ZNF804B: variants seen among roughly 807,000 people sequenced by gnomAD.
The protein encoded by ZNF804B is zinc finger protein 804B.
In ZNF804B, 80 loss-of-function variants were observed where a neutral mutation model predicts 101.4. The ratio of observed to expected loss-of-function variants is 0.79; its 90% CI spans 0.66 to 0.95. The LOEUF (loss-of-function observed/expected upper bound fraction) is 0.95, where lower values mean the gene tolerates loss of function less well. Ranked by LOEUF, ZNF804B falls within the 40% of genes least tolerant of loss-of-function variation. The pLI is 0.00. For synonymous variants in ZNF804B, 622 were observed against 558.8 expected, an observed-to-expected ratio of 1.11 and a Z score of -1.59; for missense variants, 1,673 against 1,561.9, an observed-to-expected ratio of 1.07 and a Z score of -1.20.
At chr7:88,774,686 T>G (rs1790117620) in intron 1 of ZNF804B, among the ~76,000 whole-genome samples, 1 of 152,188 alleles carries the variant, frequency 6.6e-6, no homozygotes, top group African/African-American at 2.4e-5. Context: ...GTGTTGGATC[T>G]CTGAAAGAAA....
At chr7:88,805,376 A>C (rs1790668378) in intron 1 of ZNF804B, among the ~76,000 whole-genome samples, 1 of 152,216 alleles carries the variant, frequency 6.6e-6, no homozygotes, top group Non-Finnish European at 1.5e-5. Flanking sequence ...AAATATTTTT[A>C]AATATTAGCT....
Position 89,335,375 on chromosome 7 carries a change from A to G in ZNF804B, c.2393A>G (p.Lys798Arg). 1 of 1,613,744 alleles carries G rather than the reference A, an allele frequency of 6.2e-7. No individual in the cohort carries two copies. The highest frequency in any genetic ancestry group is 8.5e-7 in the Non-Finnish European group (1 of 1,179,926). The change falls in exon 4 of 4, where the codon AAA (lysine) becomes AGA (arginine). Residue 798 changes from lysine (K) to arginine (R), a missense_variant. Lys to Arg is a conservative substitution (Grantham distance 26, BLOSUM62 2). Transcript: ENST00000333190. ...TCATTTAAAAATGAAAAATACTCAAAACGTAGATATTGTCACTGCAGAGAA... is the reference window on the plus strand; with the variant it reads ...TCATTTAAAAATGAAAAATACTCAAGACGTAGATATTGTCACTGCAGAGAA... The part of the protein sequence containing the change: ...WESFKNEKYS[K>R]RRYCHCRERQ...
intron 1 of ZNF804B, among the ~76,000 whole-genome samples, chr7:89,112,589 G>A (rs1790235563): frequency 6.6e-6 from 1 of 151,976 alleles, no homozygotes; most frequent in African/African-American, 2.4e-5. Flanking sequence ...GTAATTTTGT[G>A]TTTGCTATTT....
At chr7:89,260,396 G>A (rs1214376081) in intron 2 of ZNF804B, among the ~76,000 whole-genome samples, 23 of 151,686 alleles carry the variant, frequency 1.5e-4, no homozygotes, top group Admixed American at 1.5e-3. Context: ...ACCTATTTAG[G>A]TAGATATACT....
intron 1 of ZNF804B, among the ~76,000 whole-genome samples, chr7:89,165,514 A>G (rs1791129048): frequency 6.6e-6 from 1 of 152,132 alleles, no homozygotes; most frequent in South Asian, 2.1e-4. Context: ...CAAAAAATGT[A>G]TATATGAATA....
chr7:89,120,845 T>C (rs940563912), intron 1 of ZNF804B, among the ~76,000 whole-genome samples: 3 of 152,138 alleles, frequency 2.0e-5, no homozygotes, highest in Non-Finnish European at 4.4e-5. Flanking sequence ...ATGATTATTA[T>C]GTAAAAGTGG....
At chr7:88,886,979 A>G (rs1281859927) in intron 1 of ZNF804B, among the ~76,000 whole-genome samples, 1 of 152,064 alleles carries the variant, frequency 6.6e-6, no homozygotes. Context: ...ATTATCTGAT[A>G]TGGTCCTCTT....
At chr7:88,975,970 G>A (rs1453921467) in intron 1 of ZNF804B, among the ~76,000 whole-genome samples, 1 of 151,222 alleles carries the variant, frequency 6.6e-6, no homozygotes, top group African/African-American at 2.4e-5. Context: ...AGAGATAGGG[G>A]TTCATTCTTC....
At chr7:89,195,634 G>T in intron 1 of ZNF804B, among the ~76,000 whole-genome samples, 1 of 151,608 alleles carries the variant, frequency 6.6e-6, no homozygotes, top group South Asian at 2.1e-4. Flanking sequence ...ACTTACAGGG[G>T]ATGTGAAGGA....
chr7:88,889,086 A>T (rs1792177673), intron 1 of ZNF804B, among the ~76,000 whole-genome samples: 1 of 152,180 alleles, frequency 6.6e-6, no homozygotes, highest in Non-Finnish European at 1.5e-5. Flanking sequence ...AATAGTCTCC[A>T]GTTGAATCCA....
chr7:89,120,515 G>T (rs1189817174), intron 1 of ZNF804B, among the ~76,000 whole-genome samples: 1 of 151,524 alleles, frequency 6.6e-6, no homozygotes, highest in Non-Finnish European at 1.5e-5. Flanking sequence ...AAAATTAGCC[G>T]GGCGTGGTGG....
intron 1 of ZNF804B, among the ~76,000 whole-genome samples, chr7:89,027,135 G>C (rs182626014): frequency 9.9e-5 from 15 of 152,098 alleles, no homozygotes; most frequent in African/African-American, 3.6e-4. Context: ...ATCAAAGAAA[G>C]TAAAACACTG....
At chr7:89,248,510 C>T (rs1211502133) in intron 2 of ZNF804B, among the ~76,000 whole-genome samples, 1 of 149,400 alleles carries the variant, frequency 6.7e-6, no homozygotes, top group African/African-American at 2.5e-5. Flanking sequence ...AATGAAATTC[C>T]AGCCAAGAAT....
At chr7:89,156,136 G>A (rs1004204210) in intron 1 of ZNF804B, among the ~76,000 whole-genome samples, 16 of 140,318 alleles carry the variant, frequency 1.1e-4, no homozygotes, top group Middle Eastern at 3.9e-3. Context: ...CTTCTTTCAT[G>A]GAGTTTCACT....
intron 1 of ZNF804B, among the ~76,000 whole-genome samples, chr7:88,797,875 A>G (rs1183724826): frequency 6.6e-6 from 1 of 152,120 alleles, no homozygotes; most frequent in Non-Finnish European, 1.5e-5. Context: ...AGCAAATGAG[A>G]GTGATGTACT....
chr7:88,947,267 A>T (rs897504232), intron 1 of ZNF804B, among the ~76,000 whole-genome samples: 1 of 152,050 alleles, frequency 6.6e-6, no homozygotes, highest in Admixed American at 6.6e-5. Flanking sequence ...AACCAACCCA[A>T]ATGCTCATCA....
chr7:88,799,140 T>C (rs1790538556), intron 1 of ZNF804B, among the ~76,000 whole-genome samples: 1 of 152,110 alleles, frequency 6.6e-6, no homozygotes, highest in African/African-American at 2.4e-5. Flanking sequence ...GATATACTTA[T>C]GCCCTGGTTT....
At chr7:89,104,480 T>C (rs1253379343) in intron 1 of ZNF804B, among the ~76,000 whole-genome samples, 1 of 152,006 alleles carries the variant, frequency 6.6e-6, no homozygotes, top group African/African-American at 2.4e-5. Flanking sequence ...AGTTTGTGTG[T>C]TTCCAGAAAT....
intron 2 of ZNF804B, among the ~76,000 whole-genome samples, chr7:89,324,317 A>T (rs905944599): frequency 6.6e-6 from 1 of 151,814 alleles, no homozygotes; most frequent in Non-Finnish European, 1.5e-5. Flanking sequence ...CTTTGCTCTG[A>T]GATCTAATCT....
Sources: gnomAD v4.1 joint callset for allele counts (sites outside exome capture counted in the v4.1 genomes callset) on GRCh38, gnomAD v4.1.1 for gene constraint, MANE v1.5 for transcripts, NCBI Gene and HGNC (gene_info 2026-07-23, HGNC 2026-07-21) for gene names.